DUSP14: variants seen among roughly 807,000 people sequenced by gnomAD.
DUSP14 encodes the protein dual specificity phosphatase 14, also known as dual specificity protein phosphatase 14.
In DUSP14, 5 loss-of-function variants were observed where a neutral mutation model predicts 13.2. That is an observed-to-expected ratio of 0.38 (90% CI 0.20 to 0.80). DUSP14 has a LOEUF of 0.80. Ranked by LOEUF, DUSP14 falls within the 30% of genes least tolerant of loss-of-function variation. DUSP14 has a pLI of 0.44. For synonymous variants in DUSP14, 91 were observed against 103.4 expected (o/e 0.88, Z 0.73); for missense variants, 185 against 264.0 (o/e 0.70, Z 2.07).
intron 1 of DUSP14, among the ~76,000 whole-genome samples, chr17:37,502,408 T>C (rs73291803): frequency 0.051 from 7,771 of 150,902 alleles, 639 homozygotes; most frequent in African/African-American, 0.17. Flanking sequence ...GGTCTTGAAC[T>C]CCTGGGCTCA....
intron 1 of DUSP14, among the ~76,000 whole-genome samples, chr17:37,505,522 A>AT (rs1359067290): frequency 6.6e-6 from 1 of 152,028 alleles, no homozygotes; most frequent in East Asian, 1.9e-4. Context: ...TAGTGAGAGC[A>AT]TTTTACACAG....
At chr17:37,498,340 T>G (rs1398565438) in intron 1 of DUSP14, among the ~76,000 whole-genome samples, 4 of 97,282 alleles carry the variant, frequency 4.1e-5, no homozygotes, top group Non-Finnish European at 5.9e-5. Context: ...TTTTTTTTTT[T>G]TTTTGAGACA....
intron 1 of DUSP14, among the ~76,000 whole-genome samples, chr17:37,490,162 C>G (rs1194856508): frequency 1.3e-5 from 2 of 151,172 alleles, no homozygotes; most frequent in African/African-American, 2.4e-5. Flanking sequence ...AGGAGAGGCC[C>G]GAGACCTTCC....
upstream of DUSP14, among the ~76,000 whole-genome samples, chr17:37,489,081 C>A (rs1457853732): frequency 6.6e-6 from 1 of 152,166 alleles, no homozygotes. Flanking sequence ...GGAGGCGGGG[C>A]TGTGCTGGAA....
At chr17:37,510,649 G>T (rs1398688424) in intron 1 of DUSP14, 28 bp from the exon 2 acceptor site, 1 of 152,236 alleles carries the variant, frequency 6.6e-6, no homozygotes, top group Non-Finnish European at 1.5e-5. Flanking sequence ...CTGATTGGCT[G>T]TGTCCTTGCC....
chr17:37,512,418 A>G lies in DUSP14; in HGVS notation c.146A>G (p.Gln49Arg), dbSNP rs764534140. 2 of 1,614,174 alleles carry G rather than the reference A, an allele frequency of 1.2e-6. No individual in the cohort carries two copies. The highest frequency in any genetic ancestry group is 4.5e-5 in the East Asian group (2 of 44,876). ...GTGGCCTCCAATCGGCACCTCCTCC[A>G]GGCTCGTGGCATCACCTGCATTGTT... is the stretch of plus-strand genomic sequence containing the variant. The part of the protein sequence containing the change: ...GSVASNRHLL[Q>R]ARGITCIVNA... Residue 49 changes from glutamine (Q) to arginine (R), a missense_variant, in exon 3 of 3, where the codon CAG becomes CGG. By Grantham distance (43) the Gln-to-Arg change is conservative. Coordinates refer to ENST00000617516, the MANE Select transcript of DUSP14 (RefSeq NM_007026.4). The surrounding 1 kb of genome is among the most constrained non-coding windows in gnomAD (Gnocchi z 4.8).
At chr17:37,492,127 G>T (rs1029386529) in intron 1 of DUSP14, among the ~76,000 whole-genome samples, 1 of 152,154 alleles carries the variant, frequency 6.6e-6, no homozygotes, top group Admixed American at 6.5e-5. Context: ...CTGATAGACG[G>T]TGTTACTTCC....
At chr17:37,511,921 A>T (rs887045255) in intron 2 of DUSP14, among the ~76,000 whole-genome samples, 2 of 49,482 alleles carry the variant, frequency 4.0e-5, no homozygotes, top group African/African-American at 7.0e-5. Context: ...ATGCCCAGCC[A>T]CCCCCCCCCC....
chr17:37,503,229 A>G (rs1315373845), intron 1 of DUSP14, among the ~76,000 whole-genome samples: 1 of 152,180 alleles, frequency 6.6e-6, no homozygotes, highest in Non-Finnish European at 1.5e-5. Context: ...GTTTGAGACC[A>G]GCGTGGGCAA....
intron 1 of DUSP14, among the ~76,000 whole-genome samples, chr17:37,500,343 A>G (rs1380810552): frequency 6.6e-6 from 1 of 152,246 alleles, no homozygotes. Flanking sequence ...TGAGACATCA[A>G]AGATGATCAA....
chr17:37,511,937 A>AGATTTTTTTTTTTTTTTTTT (rs1329764853), intron 2 of DUSP14, among the ~76,000 whole-genome samples: 1 of 16,442 alleles, frequency 6.1e-5, no homozygotes, highest in Non-Finnish European at 1.2e-4. Flanking sequence ...CCCCCACCCC[A>AGATTTTTTTTTTTTTTTTTT]CTTTTTTTTT....
At chr17:37,492,590 G>A (rs757264482) in intron 1 of DUSP14, among the ~76,000 whole-genome samples, 3 of 152,162 alleles carry the variant, frequency 2.0e-5, no homozygotes, top group Non-Finnish European at 4.4e-5. Context: ...AGTAAGGTCG[G>A]TCTCTGACCT....
chr17:37,495,446 A>G (rs571756243), intron 1 of DUSP14, among the ~76,000 whole-genome samples: 52 of 152,294 alleles, frequency 3.4e-4, no homozygotes, highest in Non-Finnish European at 5.4e-4. Context: ...TTCAGCATCA[A>G]TGACCTAGGG....
intron 1 of DUSP14, among the ~76,000 whole-genome samples, chr17:37,503,316 G>A (rs553963863): frequency 6.6e-6 from 1 of 152,278 alleles, no homozygotes; most frequent in East Asian, 1.9e-4. Flanking sequence ...TTCCAGCAAC[G>A]TGAGGAGGCT....
intron 1 of DUSP14, among the ~76,000 whole-genome samples, chr17:37,498,314 C>CTTTTTTTTTTTTTTTTTT (rs765033929): frequency 2.8e-5 from 2 of 70,578 alleles, no homozygotes; most frequent in African/African-American, 1.2e-4. Context: ...TAGATTGTAT[C>CTTTTTTTTTTTTTTTTTT]TTTTTTTTTT....
In DUSP14 at chr17:37,510,743, C is replaced by T. The variant is rs1053550799; in HGVS notation, c.-114C>T. 2.6e-5 allele frequency: 4 copies of T among 152,180 alleles called. No individual in the cohort carries two copies. Among genetic ancestry groups the T allele is most frequent in the Non-Finnish European group, 4.4e-5 (3 of 68,094 alleles). The allele number at this position is 152,180 out of a possible 1,614,324, so 9.4% of individuals were successfully genotyped here. On this transcript the variant is annotated 5_prime_UTR_variant, in exon 2 of 3. Transcript: ENST00000617516. ...ACTTTCTGGATCCGGACCCAGGCAGCGCACACTGGACTCTTGAGGAAGTGA... is the reference window on the plus strand; with the variant it reads ...ACTTTCTGGATCCGGACCCAGGCAGTGCACACTGGACTCTTGAGGAAGTGA...
chr17:37,506,197 G>A (rs995350870), intron 1 of DUSP14, among the ~76,000 whole-genome samples: 3 of 152,028 alleles, frequency 2.0e-5, no homozygotes, highest in South Asian at 2.1e-4. Flanking sequence ...CCCAGGAGGC[G>A]GAGGTTGCAG....
intron 1 of DUSP14, among the ~76,000 whole-genome samples, chr17:37,501,526 TC>T (rs2054105322): frequency 6.6e-6 from 1 of 151,806 alleles, no homozygotes; most frequent in East Asian, 1.9e-4. Context: ...AACAGGAGGC[TC>T]TTTTTTTTTT....
chr17:37,497,460 G>T (rs1240579176), intron 1 of DUSP14, among the ~76,000 whole-genome samples: 1 of 151,712 alleles, frequency 6.6e-6, no homozygotes, highest in African/African-American at 2.4e-5. Flanking sequence ...CTTTTTTGAT[G>T]AATGTCAAAA....
Sources: allele counts gnomAD v4.1 joint callset (sites outside exome capture counted in the v4.1 genomes callset), GRCh38; gene constraint gnomAD v4.1.1; non-coding constraint Gnocchi (gnomAD v3.1); transcripts MANE v1.5; gene names NCBI Gene and HGNC (gene_info 2026-07-23, HGNC 2026-07-21).